RANBP2: variants seen among roughly 807,000 people sequenced by gnomAD.
RANBP2 encodes RAN binding protein 2.
Under a neutral mutation model 303.6 loss-of-function variants are expected in RANBP2, and 57 were observed. That is an observed-to-expected ratio of 0.19 (90% CI 0.15 to 0.23). RANBP2 has a LOEUF of 0.23. RANBP2 is among the 10% of genes least tolerant of loss of function. The pLI is 1.00. For synonymous variants in RANBP2, 1,167 were observed against 1,301.5 expected (o/e 0.90, Z 2.23); for missense variants, 3,138 against 3,780.8 (o/e 0.83, Z 4.46).
At chr2:109,710,179 C>T in the RANBP2 span, among the ~76,000 whole-genome samples, 2 of 150,778 alleles carry the variant, frequency 1.3e-5, no homozygotes, top group African/African-American at 2.4e-5. Flanking sequence ...GTCAGGAGTT[C>T]GAGAGCAGTC....
chr2:109,261,482 G>A, the RANBP2 span, among the ~76,000 whole-genome samples: 1 of 152,204 alleles, frequency 6.6e-6, no homozygotes, highest in South Asian at 2.1e-4. Flanking sequence ...GGTGTCAGAC[G>A]TGTGTGAAAT....
At chr2:109,502,800 C>A in the RANBP2 span, 3 of 152,222 alleles carry the variant, frequency 2.0e-5, no homozygotes, top group Non-Finnish European at 2.9e-5. Context: ...GAGAGAACTG[C>A]AATTAGCATT....
chr2:108,988,642 T>A, the RANBP2 span, among the ~76,000 whole-genome samples: 1 of 152,140 alleles, frequency 6.6e-6, no homozygotes, highest in African/African-American at 2.4e-5. Context: ...AACATACTTT[T>A]CACGCTCCCT....
chr2:109,458,069 A>T, the RANBP2 span, among the ~76,000 whole-genome samples: 1 of 152,188 alleles, frequency 6.6e-6, no homozygotes, highest in African/African-American at 2.4e-5. Flanking sequence ...GGAGCCGGGG[A>T]GGGCACTCTG....
chr2:109,143,127 C>A, the RANBP2 span, among the ~76,000 whole-genome samples: 1 of 152,068 alleles, frequency 6.6e-6, no homozygotes, highest in African/African-American at 2.4e-5. Context: ...TCAGGAGGAA[C>A]CTGGGAAACG....
the RANBP2 span, among the ~76,000 whole-genome samples, chr2:109,338,065 G>A: frequency 6.6e-6 from 1 of 152,134 alleles, no homozygotes; most frequent in Non-Finnish European, 1.5e-5. Context: ...GCCAGTCTGT[G>A]TGTCATGTGA....
the RANBP2 span, among the ~76,000 whole-genome samples, chr2:109,561,446 C>A: frequency 6.6e-6 from 1 of 152,124 alleles, no homozygotes; most frequent in Non-Finnish European, 1.5e-5. Context: ...AACTCCCCTA[C>A]AAGAACATAA....
the RANBP2 span, chr2:108,798,699 C>A: frequency 2.9e-6 from 2 of 691,302 alleles, no homozygotes; most frequent in Non-Finnish European, 2.4e-6. Flanking sequence ...TCCTCCTCCT[C>A]TCCACGCCTA....
the RANBP2 span, among the ~76,000 whole-genome samples, chr2:109,645,809 C>T: frequency 6.6e-6 from 1 of 152,152 alleles, no homozygotes; most frequent in African/African-American, 2.4e-5. Flanking sequence ...TGTGTCTATA[C>T]CCGGTAAGTC....
At chr2:109,650,110 T>C in the RANBP2 span, among the ~76,000 whole-genome samples, 15 of 152,358 alleles carry the variant, frequency 9.8e-5, no homozygotes, top group African/African-American at 3.6e-4. Flanking sequence ...TGTGTTCCTT[T>C]GTATTTTGTA....
At chr2:108,884,275 TG>T in the RANBP2 span, 1 of 152,180 alleles carries the variant, frequency 6.6e-6, no homozygotes, top group South Asian at 2.1e-4. Context: ...GCAGGGACCA[TG>T]GTGCCTGGTC....
At chr2:109,007,168 A>G in the RANBP2 span, among the ~76,000 whole-genome samples, 2 of 152,250 alleles carry the variant, frequency 1.3e-5, no homozygotes, top group Non-Finnish European at 2.9e-5. Flanking sequence ...GACTCAGGAA[A>G]GGGCCTTGGC....
the RANBP2 span, among the ~76,000 whole-genome samples, chr2:109,621,302 G>A: frequency 3.9e-5 from 6 of 151,966 alleles, no homozygotes; most frequent in Admixed American, 3.9e-4. Context: ...ACAGTCGCGC[G>A]CCACTACGCC....
chr2:109,661,060 A>G, the RANBP2 span, among the ~76,000 whole-genome samples: 1 of 152,154 alleles, frequency 6.6e-6, no homozygotes, highest in East Asian at 1.9e-4. Flanking sequence ...CCTGAACACA[A>G]AGGCAATGTA....
the RANBP2 span, among the ~76,000 whole-genome samples, chr2:109,375,697 C>T: frequency 7.2e-5 from 11 of 152,242 alleles, 1 homozygote; most frequent in South Asian, 1.0e-3. Flanking sequence ...CAGAGTTCTG[C>T]CCTCTCTGTG....
At chr2:109,213,697 C>T in the RANBP2 span, among the ~76,000 whole-genome samples, 3 of 152,186 alleles carry the variant, frequency 2.0e-5, no homozygotes, top group African/African-American at 7.2e-5. Context: ...TCATCTGTCA[C>T]GTGTCAGAGC....
chr2:109,144,311 T>C, the RANBP2 span, among the ~76,000 whole-genome samples: 4 of 152,258 alleles, frequency 2.6e-5, no homozygotes, highest in South Asian at 8.3e-4. Flanking sequence ...TTTATTTGTC[T>C]GTTATACCTC....
the RANBP2 span, among the ~76,000 whole-genome samples, chr2:109,066,803 C>T: frequency 2.0e-5 from 3 of 151,924 alleles, no homozygotes; most frequent in South Asian, 2.1e-4. Context: ...ATGACAGAGC[C>T]GAGCGGTAAA....
At chr2:108,737,617 C>T (rs1695710196) in intron 6 of RANBP2, among the ~76,000 whole-genome samples, 3 of 148,278 alleles carry the variant, frequency 2.0e-5, no homozygotes, top group Admixed American at 6.7e-5. Context: ...GGTGCAGTCT[C>T]GGCTCACTGC....
Sources: gnomAD v4.1 joint callset for allele counts (sites outside exome capture counted in the v4.1 genomes callset) on GRCh38, gnomAD v4.1.1 for gene constraint, MANE v1.5 for transcripts, NCBI Gene and HGNC (gene_info 2026-07-23, HGNC 2026-07-21) for gene names.